Variants in TOP2B observed in about 807,000 individuals in gnomAD.
The protein encoded by TOP2B is DNA topoisomerase 2-beta.
A neutral mutation model predicts 193.5 loss-of-function variants in TOP2B; 51 were observed. The observed-to-expected ratio is 0.26, with a 90% confidence interval of 0.21 to 0.33. The LOEUF is 0.33. TOP2B is among the 10% of genes least tolerant of loss of function. TOP2B has a pLI of 1.00. For synonymous variants in TOP2B, 634 were observed against 635.7 expected, an observed-to-expected ratio of 1.00 and a Z score of 0.04; for missense variants, 1,378 against 1,909.3, an observed-to-expected ratio of 0.72 and a Z score of 5.19.
At chr3:25,643,615 T>C (rs1282765954) in intron 3 of TOP2B, 79 bp downstream of exon 3, 2 of 1,067,700 alleles carry the variant, frequency 1.9e-6, no homozygotes, top group African/African-American at 3.1e-5. Flanking sequence ...TTTATACTGG[T>C]TAAGTCTGGC....
intron 28 of TOP2B, 26 bp from the exon 29 acceptor site, chr3:25,609,738 C>A (rs1454622481): frequency 7.0e-7 from 1 of 1,419,624 alleles, no homozygotes; most frequent in East Asian, 2.7e-5. Context: ...AAAATCAAGC[C>A]ACGAGTAAAA....
At position 25,624,464 on chromosome 3, in the gene TOP2B, C is replaced by A. The variant is rs1022164647; in HGVS notation, c.2347-19G>T. 5.6e-6 allele frequency: 9 copies of A among 1,597,622 alleles called. No individual in the cohort carries two copies. The highest frequency in any genetic ancestry group is 1.8e-5 in the Admixed American group (1 of 55,882). ...ATGCTTGCTATACAACAGAAGAAGG[C>A]AGAACATAACATTAATATTCTAAAT... On this transcript the variant is annotated intron_variant, in intron 19 of 35. Transcript: ENST00000264331.
At chr3:25,658,018 G>A (rs1351059915) in intron 1 of TOP2B, among the ~76,000 whole-genome samples, 1 of 117,614 alleles carries the variant, frequency 8.5e-6, no homozygotes, top group Non-Finnish European at 1.7e-5. Flanking sequence ...CCGAGATCCC[G>A]CCACTGCACT....
At chr3:25,631,087 TGCTAATC>T (rs1313604920) in intron 10 of TOP2B, 148 bp from the exon 11 acceptor site, 2 of 541,350 alleles carry the variant, frequency 3.7e-6, no homozygotes, top group Non-Finnish European at 6.0e-6. Flanking sequence ...TCATGATACA[TGCTAATC>T]AGCTTTTACT....
rs1702473554 is a variant in TOP2B, at chr3:25,615,220, A to G, written c.3576T>C (p.Phe1192=). 4.3e-6 allele frequency: 7 copies of G among 1,612,376 alleles called. No homozygotes were observed. The East Asian group carries it at 1.3e-4, about 31-fold the overall frequency. The change falls in exon 27 of 36, where the codon TTT becomes TTC. Residue 1192 remains phenylalanine, a synonymous_variant. Transcript: ENST00000264331. Reference sequence around the variant, plus strand: ...CTTAACCTACATCCAGTTCTTCAACAAATGCCGCTAAATCCTCTTTCCAAA... The same window carrying G: ...CTTAACCTACATCCAGTTCTTCAACGAATGCCGCTAAATCCTCTTTCCAAA... ...SDLWKEDLAA[F]VEELDKVESQ... is the part of the protein sequence containing the mutation.
chr3:25,664,644 G>A lies in TOP2B; in HGVS notation c.-347C>T, dbSNP rs1162785534. The A allele has an allele frequency of 1.0e-6, 1 of 989,182 alleles. No individual in the cohort carries two copies. The allele number at this position is 989,182 out of a possible 1,614,324, so 61.3% of individuals were successfully genotyped here. ...AGGCCGGGCTGAAGCCCGGGCGTGCGAGCCGCGAGGGCGGCCGGGGAGCCC... is the reference window on the plus strand; with the variant it reads ...AGGCCGGGCTGAAGCCCGGGCGTGCAAGCCGCGAGGGCGGCCGGGGAGCCC... On this transcript the variant is annotated 5_prime_UTR_variant, in exon 1 of 36. Transcript: ENST00000264331.
chr3:25,628,721 C>A (rs867226852), intron 15 of TOP2B, 126 bp downstream of exon 15: 37 of 593,858 alleles, frequency 6.2e-5, no homozygotes, highest in African/African-American at 9.5e-5. Context: ...TATAACAATA[C>A]TTTAAAATCA....
rs1265042067 is a variant in TOP2B at position 25,626,907 on chromosome 3, T to A, written c.2017-43A>T. ...ACGATTTTGCACATTAAAAATAAAA[T>A]AAATTTTATTACAAAATTAAAATGT... On this transcript the variant is annotated intron_variant, in intron 16 of 35. Transcript: ENST00000264331. 3 of 1,175,612 alleles carry A rather than the reference T, an allele frequency of 2.6e-6. No individual in the cohort carries two copies. In the Admixed American group the frequency reaches 6.7e-5, roughly 26 times the overall value. The allele number at this position is 1,175,612 out of a possible 1,614,324, so 72.8% of individuals were successfully genotyped here. A position where few individuals can be genotyped will look rare whatever the true frequency, so the allele number is the denominator to read the frequency against.
In TOP2B at chr3:25,618,840, CA is replaced by C; in HGVS notation, c.3072del (p.Phe1024LeufsTer7). On this transcript the variant is annotated frameshift_variant, in exon 24 of 36. Coordinates refer to ENST00000264331, the MANE Select transcript of TOP2B (RefSeq NM_001330700.2). LOFTEE classifies it high-confidence loss of function. Reference sequence around the variant, plus strand: ...TATTTCTTCAGACATCCCATATGATCAAAAAGTACCTAAGCAAAACACATAT... The same window carrying C: ...TATTTCTTCAGACATCCCATATGATCAAAAGTACCTAAGCAAAACACATAT... The part of the protein sequence containing the change: ...TTLTCNSMVL[F>X]DHMGCLKKYE... The C allele has an allele frequency of 6.3e-7, 1 of 1,599,832 alleles. No homozygotes were observed. The highest frequency in any genetic ancestry group is 8.5e-7 in the Non-Finnish European group (1 of 1,172,202).
At chr3:25,653,065 T>C (rs1201479455) in intron 1 of TOP2B, among the ~76,000 whole-genome samples, 1 of 152,098 alleles carries the variant, frequency 6.6e-6, no homozygotes, top group Non-Finnish European at 1.5e-5. Flanking sequence ...ATTCCAAACA[T>C]ATAATCTACC....
Position 25,632,957 on chromosome 3 carries a change from C to A in TOP2B, c.1027-163G>T, listed in dbSNP as rs188292382. 3.6e-4 allele frequency among the ~76,000 whole-genome samples: 54 copies of A among 152,088 alleles called. No homozygotes were observed. In the East Asian group the frequency reaches 8.9e-3, roughly 25 times the overall value. ...CATTTTGGCTACAGAGCCAATAAACCAACCGCTGTGTTTTTTTTGTTTGTT... is the reference window on the plus strand; with the variant it reads ...CATTTTGGCTACAGAGCCAATAAACAAACCGCTGTGTTTTTTTTGTTTGTT... On this transcript the variant is annotated intron_variant, in intron 8 of 35. Transcript: ENST00000264331.
Position 25,598,139 on chromosome 3 carries a change from T to C in TOP2B, c.*168A>G. On this transcript the variant is annotated 3_prime_UTR_variant, in exon 36 of 36. Transcript: ENST00000264331. ...ACATTTCAATGAGTAAAAAAGAGCA[T>C]AAAACTGTATGTGTAAGAACAAAAT... 4.7e-6 allele frequency: 3 copies of C among 640,000 alleles called. No individual in the cohort carries two copies. The highest frequency in any genetic ancestry group is 7.6e-6 in the Non-Finnish European group (3 of 395,084). 39.6% of individuals were successfully genotyped at this position (640,000 alleles called of 1,614,324 possible). A position where few individuals can be genotyped will look rare whatever the true frequency, so the allele number is the denominator to read the frequency against.
intron 33 of TOP2B, among the ~76,000 whole-genome samples, chr3:25,602,089 G>C (rs1415612422): frequency 6.6e-6 from 1 of 152,100 alleles, no homozygotes; most frequent in Non-Finnish European, 1.5e-5. Flanking sequence ...TTTATCTGCA[G>C]TTCTATGTGA....
chr3:25,618,273 T>C (rs1702564094), intron 25 of TOP2B, 145 bp downstream of exon 25: 1 of 627,644 alleles, frequency 1.6e-6, no homozygotes, highest in East Asian at 2.7e-5. Flanking sequence ...ATCTGTTCTG[T>C]GGATAAACAG....
chr3:25,644,851 G>T (rs1401963030), intron 2 of TOP2B, among the ~76,000 whole-genome samples: 4 of 151,864 alleles, frequency 2.6e-5, no homozygotes, highest in African/African-American at 9.7e-5. Flanking sequence ...CTGGAGTGCA[G>T]TGGCGTGATC....
chr3:25,639,462 C>T (rs1349061059), intron 4 of TOP2B, among the ~76,000 whole-genome samples: 3 of 152,162 alleles, frequency 2.0e-5, no homozygotes, highest in Non-Finnish European at 4.4e-5. Flanking sequence ...AGCACGCCAC[C>T]ACGACTGGCT....
At chr3:25,639,324 T>C (rs975085255) in intron 4 of TOP2B, among the ~76,000 whole-genome samples, 12 of 152,234 alleles carry the variant, frequency 7.9e-5, no homozygotes, top group African/African-American at 2.9e-4. Context: ...TTTGTTTTTG[T>C]TTGAGATAGA....
chr3:25,661,373 T>G (rs1292494141), intron 1 of TOP2B, among the ~76,000 whole-genome samples: 1 of 152,232 alleles, frequency 6.6e-6, no homozygotes, highest in Non-Finnish European at 1.5e-5. Context: ...CTTTTTGAGA[T>G]GCTTAACATT....
intron 2 of TOP2B, 75 bp downstream of exon 2, chr3:25,645,225 A>G: frequency 7.5e-7 from 1 of 1,327,210 alleles, no homozygotes; most frequent in Non-Finnish European, 1.0e-6. Context: ...AGTAATTACA[A>G]TAATTTTATC....
Sources: allele counts gnomAD v4.1 joint callset (sites outside exome capture counted in the v4.1 genomes callset), GRCh38; gene constraint gnomAD v4.1.1; transcripts MANE v1.5; gene names NCBI Gene and HGNC (gene_info 2026-07-23, HGNC 2026-07-21).